NRXN3: variants seen among roughly 807,000 people sequenced by gnomAD.
NRXN3 encodes neurexin 3, also known as neurexin III.
NRXN3 carries 32 observed loss-of-function variants against 137.6 expected under a neutral mutation model. That is an observed-to-expected ratio of 0.23 (90% confidence interval 0.18 to 0.31). The LOEUF (loss-of-function observed/expected upper bound fraction) is 0.31. NRXN3 is among the 10% of genes least tolerant of loss of function. The pLI is 1.00. For missense variants in NRXN3, 1,574 were observed against 2,062.5 expected (o/e 0.76, Z 4.59); for synonymous variants, 798 against 784.5 (o/e 1.02, Z -0.29).
chr14:79,851,239 A>G (rs540494753), intron 20 of NRXN3, among the ~76,000 whole-genome samples: 1 of 152,274 alleles, frequency 6.6e-6, no homozygotes, highest in Admixed American at 6.5e-5. Context: ...TACAGATGTC[A>G]TTTGATGCCT....
intron 19 of NRXN3, among the ~76,000 whole-genome samples, chr14:79,762,920 C>G (rs2099043596): frequency 6.6e-6 from 1 of 151,500 alleles, no homozygotes; most frequent in African/African-American, 2.4e-5. Flanking sequence ...GCAGAATATG[C>G]AGGTTTGTTA....
chr14:78,526,443 A>T (rs1471360963), intron 4 of NRXN3, among the ~76,000 whole-genome samples: 1 of 152,228 alleles, frequency 6.6e-6, no homozygotes, highest in African/African-American at 2.4e-5. Flanking sequence ...GAGTCAGGAA[A>T]ACTATATTCC....
intron 20 of NRXN3, among the ~76,000 whole-genome samples, chr14:79,825,459 C>T (rs893082404): frequency 1.3e-5 from 2 of 152,092 alleles, no homozygotes; most frequent in Non-Finnish European, 2.9e-5. Context: ...GGATCTTACC[C>T]ATTGGAGAAA....
chr14:79,618,790 G>A (rs1040373762), intron 16 of NRXN3, among the ~76,000 whole-genome samples: 1 of 152,138 alleles, frequency 6.6e-6, no homozygotes, highest in African/African-American at 2.4e-5. Context: ...TTTCAACAGT[G>A]TCTGAACTAA....
intron 6 of NRXN3, among the ~76,000 whole-genome samples, chr14:78,671,335 C>T (rs1261268205): frequency 6.6e-6 from 1 of 152,096 alleles, no homozygotes; most frequent in Admixed American, 6.5e-5. Context: ...GAAAAAAAGG[C>T]AGTGGAAGTG....
chr14:79,595,505 TATTTC>T (rs2097850877), intron 16 of NRXN3, among the ~76,000 whole-genome samples: 1 of 152,218 alleles, frequency 6.6e-6, no homozygotes, highest in South Asian at 2.1e-4. Context: ...TTTTAATTCT[TATTTC>T]AGTATAATTT....
At chr14:78,395,073 T>C (rs1427702165) in intron 4 of NRXN3, among the ~76,000 whole-genome samples, 1 of 151,888 alleles carries the variant, frequency 6.6e-6, no homozygotes, top group African/African-American at 2.4e-5. Context: ...GTTGTTGCTT[T>C]TGTCTTTATC....
chr14:79,794,225 G>A (rs920271883), intron 19 of NRXN3, among the ~76,000 whole-genome samples: 18 of 152,046 alleles, frequency 1.2e-4, no homozygotes, highest in Admixed American at 2.0e-4. Context: ...TTAGCAGGGC[G>A]TGGTGGCAGG....
intron 17 of NRXN3, among the ~76,000 whole-genome samples, chr14:79,677,224 C>T (rs1224517492): frequency 6.6e-6 from 1 of 151,432 alleles, no homozygotes; most frequent in East Asian, 1.9e-4. Flanking sequence ...GGGTGGATTG[C>T]CAAGTATAAT....
In NRXN3 at chr14:78,843,131, A is replaced by G. The variant is rs544595832; in HGVS notation, c.2275+32787A>G. On this transcript the variant is annotated intron_variant, in intron 10 of 20. Coordinates refer to ENST00000335750, the MANE Select transcript of NRXN3 (RefSeq NM_001330195.2). The stretch of plus-strand genomic sequence containing the variant: ...TTGGGGAAGTGATAAGCGTCCATGA[A>G]ATCTTCACAATTTATGTTCAGAGAT... Among the ~76,000 whole-genome samples, 239 of 152,290 alleles carry G rather than the reference A, an allele frequency of 1.6e-3. 1 individual carries two copies. Among genetic ancestry groups the G allele is most frequent in the Non-Finnish European group, 3.1e-3 (213 of 68,008 alleles).
chr14:78,871,388 A>C (rs750074430), intron 10 of NRXN3, among the ~76,000 whole-genome samples: 9 of 152,054 alleles, frequency 5.9e-5, no homozygotes, highest in Non-Finnish European at 1.3e-4. Flanking sequence ...TTAATTTATC[A>C]AGCCAGATTG....
At chr14:78,941,318 C>A (rs1028084985) in intron 10 of NRXN3, among the ~76,000 whole-genome samples, 3 of 152,152 alleles carry the variant, frequency 2.0e-5, no homozygotes, top group African/African-American at 4.8e-5. Context: ...ACTGTATAAT[C>A]AACTACCTCC....
rs531487727 is a variant in NRXN3, at chr14:78,459,467, A to G, written c.757+161607A>G. Among the ~76,000 whole-genome samples the G allele has an allele frequency of 3.9e-5, 6 of 152,180 alleles. No individual in the cohort carries two copies. The East Asian group carries it at 9.7e-4, about 25-fold the overall frequency. On this transcript the variant is annotated intron_variant, in intron 4 of 20. Transcript: ENST00000335750. ...TCAGCCTCTCGTCCTGCTCCAACCC[A>G]TGGAAGGTCTTCCCTCTGCTGTTTC...
At chr14:78,792,058 A>G (rs1028109631) in intron 8 of NRXN3, among the ~76,000 whole-genome samples, 1 of 152,074 alleles carries the variant, frequency 6.6e-6, no homozygotes, top group Non-Finnish European at 1.5e-5. Flanking sequence ...AAGTTAAAAA[A>G]AGGAAAAAAA....
At chr14:78,292,838 A>G (rs2075941268) in intron 3 of NRXN3, among the ~76,000 whole-genome samples, 1 of 152,098 alleles carries the variant, frequency 6.6e-6, no homozygotes, top group Non-Finnish European at 1.5e-5. Context: ...CCCAGAATAA[A>G]TGCCAAACTC....
intron 15 of NRXN3, among the ~76,000 whole-genome samples, chr14:79,097,406 A>G (rs1329111203): frequency 6.6e-6 from 1 of 152,194 alleles, no homozygotes; most frequent in Non-Finnish European, 1.5e-5. Context: ...TTCCAAGGGT[A>G]AGCATGGCCA....
At chr14:79,700,105 A>G (rs1048005749) in intron 19 of NRXN3, among the ~76,000 whole-genome samples, 25 of 152,048 alleles carry the variant, frequency 1.6e-4, no homozygotes, top group Non-Finnish European at 2.9e-4. Flanking sequence ...TCTGGTCTTA[A>G]ACACATTCTG....
chr14:79,158,556 A>G (rs887402721), intron 15 of NRXN3, among the ~76,000 whole-genome samples: 14 of 151,856 alleles, frequency 9.2e-5, no homozygotes, highest in African/African-American at 3.4e-4. Flanking sequence ...CTTTACTACC[A>G]TCACTGGTTT....
intron 15 of NRXN3, among the ~76,000 whole-genome samples, chr14:79,244,472 T>A (rs1382525310): frequency 6.6e-6 from 1 of 152,202 alleles, no homozygotes; most frequent in African/African-American, 2.4e-5. Flanking sequence ...GTTATTTATC[T>A]TGAATGCTGC....
Sources: allele counts gnomAD v4.1 joint callset (sites outside exome capture counted in the v4.1 genomes callset), GRCh38; gene constraint gnomAD v4.1.1; transcripts MANE v1.5; gene names NCBI Gene and HGNC (gene_info 2026-07-23, HGNC 2026-07-21).